PALLD: variants seen among roughly 807,000 people sequenced by gnomAD.
PALLD encodes the protein palladin, cytoskeletal associated protein.
Under a neutral mutation model 123.5 loss-of-function variants are expected in PALLD, and 61 were observed. The observed-to-expected ratio is 0.49, with a 90% CI of 0.40 to 0.61. The LOEUF (loss-of-function observed/expected upper bound fraction) is 0.61. Among genes scored for constraint, PALLD ranks in the 20% least tolerant of loss-of-function variants. The pLI is 0.00. For missense variants in PALLD, 1,273 were observed against 1,377.0 expected (o/e 0.92, Z 1.20); for synonymous variants, 465 against 496.4 (o/e 0.94, Z 0.84).
chr4:168,818,316 G>A (rs529737297), intron 10 of PALLD, among the ~76,000 whole-genome samples: 41 of 152,024 alleles, frequency 2.7e-4, no homozygotes, highest in South Asian at 6.2e-4. Context: ...AGGGAAAAAA[G>A]GCTGGGTGTG....
At chr4:168,617,183 C>T (rs1328482376) in intron 2 of PALLD, among the ~76,000 whole-genome samples, 1 of 152,156 alleles carries the variant, frequency 6.6e-6, no homozygotes, top group Non-Finnish European at 1.5e-5. Flanking sequence ...CCAAATAGCC[C>T]AACTCTCCAT....
chr4:168,591,243 C>T (rs1446927582), intron 2 of PALLD, among the ~76,000 whole-genome samples: 3 of 152,294 alleles, frequency 2.0e-5, no homozygotes, highest in African/African-American at 7.2e-5. Context: ...AAAAGATTTA[C>T]TGGAACGGTT....
intron 10 of PALLD, among the ~76,000 whole-genome samples, chr4:168,871,028 C>T (rs1751004382): frequency 6.6e-6 from 1 of 152,136 alleles, no homozygotes; most frequent in Non-Finnish European, 1.5e-5. Flanking sequence ...AAATGGAGGG[C>T]TCAGCGAAGT....
chr4:168,904,893 G>A (rs1176274650), intron 15 of PALLD, among the ~76,000 whole-genome samples: 1 of 152,066 alleles, frequency 6.6e-6, no homozygotes, highest in Admixed American at 6.5e-5. Context: ...TTGGGAGGCT[G>A]AGGCAGGTGG....
At chr4:168,652,654 T>C (rs1000800741) in intron 2 of PALLD, among the ~76,000 whole-genome samples, 15 of 152,206 alleles carry the variant, frequency 9.9e-5, no homozygotes, top group Admixed American at 2.6e-4. Flanking sequence ...TGATTAAGTT[T>C]AGAAAGCTTT....
intron 10 of PALLD, among the ~76,000 whole-genome samples, chr4:168,722,582 G>A (rs561982628): frequency 1.8e-4 from 27 of 152,312 alleles, no homozygotes; most frequent in African/African-American, 5.8e-4. Flanking sequence ...TACAAAGCAC[G>A]AAAAGGGTGG....
intron 10 of PALLD, among the ~76,000 whole-genome samples, chr4:168,714,883 T>TC (rs1395315353): frequency 6.6e-6 from 1 of 152,058 alleles, no homozygotes; most frequent in Non-Finnish European, 1.5e-5. Flanking sequence ...GCATTTTTTT[T>TC]CTCTCTTGAA....
At chr4:168,773,746 G>T (rs187287486) in intron 10 of PALLD, among the ~76,000 whole-genome samples, 7 of 152,158 alleles carry the variant, frequency 4.6e-5, no homozygotes, top group Middle Eastern at 3.4e-3. Flanking sequence ...GTTCCTTGGC[G>T]ACAATGGCAT....
At chr4:168,778,498 C>T (rs763550587) in intron 10 of PALLD, among the ~76,000 whole-genome samples, 125 of 152,054 alleles carry the variant, frequency 8.2e-4, no homozygotes, top group African/African-American at 2.6e-3. Flanking sequence ...CGTACTATGG[C>T]GCGTAACTGT....
intron 10 of PALLD, among the ~76,000 whole-genome samples, chr4:168,712,450 A>T (rs956123893): frequency 6.6e-6 from 1 of 152,178 alleles, no homozygotes; most frequent in Non-Finnish European, 1.5e-5. Flanking sequence ...GCCCTTCACA[A>T]CACAGGCTAC....
chr4:168,885,435 C>T (rs1490836980), intron 10 of PALLD: 1 of 152,188 alleles, frequency 6.6e-6, no homozygotes, highest in Non-Finnish European at 1.5e-5. Context: ...GGATGACACA[C>T]AAAGTCATGA....
rs1267775456 is a variant in PALLD, at chr4:168,670,765, CAAAAAAAAACAAAA to C, written c.1087+2416_1087+2429del. Among the ~76,000 whole-genome samples, 874 of 109,492 alleles carry C rather than the reference CAAAAAAAAACAAAA, an allele frequency of 8.0e-3. 33 individuals carry two copies. The highest frequency in any genetic ancestry group is 0.01 in the Non-Finnish European group (565 of 54,296). 71.8% of individuals were successfully genotyped at this position (109,492 alleles called of 152,430 possible). A position where few individuals can be genotyped will look rare whatever the true frequency, so the allele number is the denominator to read the frequency against. ...AAAAAAACAAAAAAAACAAAAAAAA[CAAAAAAAAACAAAA>C]AAAAAAAAACAAAAAAAACAAAAAA... is the stretch of plus-strand genomic sequence containing the variant. On this transcript the variant is annotated intron_variant, in intron 3 of 21. Coordinates refer to ENST00000505667, the MANE Select transcript of PALLD (RefSeq NM_001166108.2).
At chr4:168,697,442 C>T (rs898861914) in intron 8 of PALLD, among the ~76,000 whole-genome samples, 4 of 152,198 alleles carry the variant, frequency 2.6e-5, no homozygotes, top group Non-Finnish European at 4.4e-5. Flanking sequence ...ATTGAAGCCT[C>T]GTGTCTCGAG....
intron 10 of PALLD, among the ~76,000 whole-genome samples, chr4:168,866,013 C>T (rs1435411796): frequency 6.6e-6 from 1 of 151,984 alleles, no homozygotes; most frequent in East Asian, 1.9e-4. Context: ...TGTGTGGTGG[C>T]TCACACCTGT....
chr4:168,585,471 CCTCT>C (rs1770720281), intron 2 of PALLD, among the ~76,000 whole-genome samples: 1 of 152,184 alleles, frequency 6.6e-6, no homozygotes, highest in Admixed American at 6.5e-5. Context: ...TCTCCTCCCA[CCTCT>C]CTCTACTGAC....
chr4:168,803,536 A>T (rs1165602531), intron 10 of PALLD, among the ~76,000 whole-genome samples: 2 of 152,126 alleles, frequency 1.3e-5, no homozygotes, highest in Admixed American at 1.3e-4. Context: ...AATCAAAAAA[A>T]TTAGCTGGGC....
chr4:168,732,869 A>C (rs1046607989), intron 10 of PALLD, among the ~76,000 whole-genome samples: 1 of 152,216 alleles, frequency 6.6e-6, no homozygotes, highest in African/African-American at 2.4e-5. Flanking sequence ...TCTTAACCAG[A>C]ACATGATCAT....
intron 2 of PALLD, among the ~76,000 whole-genome samples, chr4:168,558,563 C>T (rs1380343236): frequency 1.3e-5 from 2 of 152,210 alleles, no homozygotes; most frequent in African/African-American, 2.4e-5. Context: ...CCTCTCCGAA[C>T]TCTGACCACT....
intron 6 of PALLD, among the ~76,000 whole-genome samples, chr4:168,689,332 C>T (rs1386762558): frequency 2.0e-5 from 3 of 150,580 alleles, no homozygotes; most frequent in African/African-American, 7.3e-5. Flanking sequence ...ACAATTCACA[C>T]TTCCTAATGA....
Sources: allele counts gnomAD v4.1 joint callset (sites outside exome capture counted in the v4.1 genomes callset), GRCh38; gene constraint gnomAD v4.1.1; transcripts MANE v1.5; gene names NCBI Gene and HGNC (gene_info 2026-07-23, HGNC 2026-07-21).